The following CDC14A variants were observed in gnomAD, a reference collection of about 807,000 sequenced individuals.
The protein encoded by CDC14A is dual specificity protein phosphatase CDC14A.
Under a neutral mutation model 74.4 loss-of-function variants are expected in CDC14A, and 53 were observed. The observed-to-expected ratio is 0.71, with a 90% CI of 0.57 to 0.89. The LOEUF is 0.89. Ranked by LOEUF, CDC14A falls within the 40% of genes least tolerant of loss-of-function variation. The pLI is 0.00. For missense variants in CDC14A, 646 were observed against 713.7 expected, an observed-to-expected ratio of 0.91 and a Z score of 1.08; for synonymous variants, 247 against 258.4, an observed-to-expected ratio of 0.96 and a Z score of 0.43.
intron 10 of CDC14A, chr1:100,480,822 G>A (rs1669381664): frequency 6.6e-6 from 1 of 152,158 alleles, no homozygotes; most frequent in South Asian, 2.1e-4. Flanking sequence ...GCTTCTGATT[G>A]TAGGGTTCTA....
At chr1:100,498,336 G>A (rs915591947) in intron 14 of CDC14A, 129 bp downstream of exon 14, 9 of 1,027,196 alleles carry the variant, frequency 8.8e-6, no homozygotes, top group Admixed American at 2.3e-5. Flanking sequence ...GGAAGACCCT[G>A]TGATGTTCTG....
chr1:100,388,269 G>C (rs982639671), intron 3 of CDC14A, among the ~76,000 whole-genome samples: 13 of 152,082 alleles, frequency 8.5e-5, no homozygotes, highest in African/African-American at 3.1e-4. Flanking sequence ...TTCCTTTTTG[G>C]TAAATCAAAC....
At chr1:100,517,896 A>G (rs1377177894) in intron 15 of CDC14A, among the ~76,000 whole-genome samples, 2 of 152,228 alleles carry the variant, frequency 1.3e-5, no homozygotes, top group African/African-American at 2.4e-5. Flanking sequence ...GTAATCTTTA[A>G]TTAGTTAAAA....
chr1:100,402,937 A>G (rs1659468740), intron 4 of CDC14A, among the ~76,000 whole-genome samples: 1 of 152,188 alleles, frequency 6.6e-6, no homozygotes, highest in Admixed American at 6.5e-5. Context: ...GTAGCTTCTG[A>G]GCTTTGATTC....
intron 2 of CDC14A, among the ~76,000 whole-genome samples, chr1:100,364,087 C>G (rs189220966): frequency 6.6e-6 from 1 of 151,998 alleles, no homozygotes; most frequent in South Asian, 2.1e-4. Context: ...CATGAGCATG[C>G]CACAGCACTC....
In CDC14A at chr1:100,505,270, G is replaced by A. The variant is rs180848054; in HGVS notation, c.1755+6008G>A. ...GTAGTTCTCTTTTCTAGTGTTAGTA[G>A]CATTTTTATACTCAGTTGGTTAATG... On this transcript the variant is annotated intron_variant, in intron 15 of 15. Transcript: ENST00000336454. Among the ~76,000 whole-genome samples, 434 of 151,924 alleles carry A rather than the reference G, an allele frequency of 2.9e-3. 2 individuals carry two copies. Among genetic ancestry groups the A allele is most frequent in the Admixed American group, 4.7e-3 (72 of 15,222 alleles).
chr1:100,473,596 C>T (rs1668603233), intron 10 of CDC14A, among the ~76,000 whole-genome samples: 1 of 152,048 alleles, frequency 6.6e-6, no homozygotes. Flanking sequence ...CCATGTTGGC[C>T]AGGCTGGTCT....
At chr1:100,351,070 T>C (rs1221754444), upstream of CDC14A, among the ~76,000 whole-genome samples, 1 of 152,170 alleles carries the variant, frequency 6.6e-6, no homozygotes, top group Non-Finnish European at 1.5e-5. Context: ...GGCGCACGCC[T>C]GTAGATCCAA....
intron 9 of CDC14A, among the ~76,000 whole-genome samples, chr1:100,465,991 C>G (rs1262493393): frequency 6.6e-6 from 1 of 152,046 alleles, no homozygotes; most frequent in Non-Finnish European, 1.5e-5. Flanking sequence ...GTGAAATGTT[C>G]CTATTCAGTT....
intron 7 of CDC14A, among the ~76,000 whole-genome samples, chr1:100,445,838 C>CT (rs970818751): frequency 4.6e-5 from 7 of 151,904 alleles, no homozygotes; most frequent in African/African-American, 1.7e-4. Context: ...CAAACAACTT[C>CT]TTTTTTTTGA....
rs1296993193 is a variant in CDC14A at position 100,424,302 on chromosome 1, G to A, written c.389+1G>A. The A allele has an allele frequency of 1.9e-6, 3 of 1,610,286 alleles. No individual in the cohort carries two copies. Among genetic ancestry groups the A allele is most frequent in the Non-Finnish European group, 2.5e-6 (3 of 1,176,720 alleles). ...CAAACCCCCCCTATCTTCCATTCAG[G>A]TATAACTCCTGGTGAGACTTGGGTT... is the stretch of plus-strand genomic sequence containing the variant. On this transcript the variant is annotated splice_donor_variant, in intron 5 of 15. Coordinates refer to ENST00000336454, the MANE Select transcript of CDC14A (RefSeq NM_003672.4). LOFTEE classifies it high-confidence loss of function.
At chr1:100,348,244 T>C (rs1455852137), upstream of CDC14A, among the ~76,000 whole-genome samples, 1 of 141,956 alleles carries the variant, frequency 7.0e-6, no homozygotes, top group Admixed American at 7.6e-5. Flanking sequence ...ATTGTGCCAC[T>C]GCACTCCAGC....
intron 4 of CDC14A, among the ~76,000 whole-genome samples, chr1:100,416,315 C>T (rs1254928700): frequency 6.6e-6 from 1 of 152,150 alleles, no homozygotes; most frequent in African/African-American, 2.4e-5. Flanking sequence ...AAAATGAATA[C>T]AGTGCTAGTA....
At chr1:100,370,479 A>G (rs1376907138) in intron 2 of CDC14A, among the ~76,000 whole-genome samples, 1 of 152,086 alleles carries the variant, frequency 6.6e-6, no homozygotes, top group African/African-American at 2.4e-5. Flanking sequence ...TCTTGAGTTA[A>G]TTTTTGTATA....
chr1:100,478,879 A>G (rs1295945291), intron 10 of CDC14A, among the ~76,000 whole-genome samples: 2 of 152,192 alleles, frequency 1.3e-5, no homozygotes, highest in African/African-American at 2.4e-5. Flanking sequence ...GAAAATGCCT[A>G]GGAATTGTTG....
chr1:100,463,033 C>G, intron 9 of CDC14A, 152 bp downstream of exon 9: 2 of 620,326 alleles, frequency 3.2e-6, no homozygotes, highest in Middle Eastern at 8.8e-4. Flanking sequence ...ATTTTAATAA[C>G]CCCTTCTTAA....
intron 2 of CDC14A, among the ~76,000 whole-genome samples, chr1:100,368,768 A>G (rs940322947): frequency 1.3e-5 from 2 of 152,090 alleles, no homozygotes; most frequent in Middle Eastern, 3.2e-3. Context: ...GTAGTCCTTC[A>G]TGTCTATTGT....
At chr1:100,415,391 T>G (rs182396085) in intron 4 of CDC14A, among the ~76,000 whole-genome samples, 1 of 152,336 alleles carries the variant, frequency 6.6e-6, no homozygotes, top group Non-Finnish European at 1.5e-5. Flanking sequence ...CATACTCATT[T>G]CTAGACCTCA....
intron 4 of CDC14A, among the ~76,000 whole-genome samples, chr1:100,394,180 T>C (rs763567055): frequency 1.3e-5 from 2 of 152,156 alleles, no homozygotes; most frequent in African/African-American, 4.8e-5. Context: ...ACTGGTGCGA[T>C]TGTAGACCAT....
Sources: gnomAD v4.1 joint callset for allele counts (sites outside exome capture counted in the v4.1 genomes callset) on GRCh38, gnomAD v4.1.1 for gene constraint, MANE v1.5 for transcripts, NCBI Gene and HGNC (gene_info 2026-07-23, HGNC 2026-07-21) for gene names.